The following CLPB variants were observed in gnomAD, a reference collection of about 807,000 sequenced individuals.
CLPB encodes the protein ClpB family mitochondrial disaggregase.
Under a neutral mutation model 78.4 loss-of-function variants are expected in CLPB, and 40 were observed. The observed-to-expected ratio is 0.51, with a 90% CI of 0.40 to 0.66. The LOEUF (loss-of-function observed/expected upper bound fraction) is 0.66, where lower values mean the gene tolerates loss of function less well. Among genes scored for constraint, CLPB ranks in the 30% least tolerant of loss-of-function variants. The pLI is 0.00. For synonymous variants in CLPB, 333 were observed against 348.0 expected, an observed-to-expected ratio of 0.96 and a Z score of 0.48; for missense variants, 780 against 886.9, an observed-to-expected ratio of 0.88 and a Z score of 1.53.
At chr11:72,422,325 A>G (rs1056177147) in intron 2 of CLPB, among the ~76,000 whole-genome samples, 1 of 150,314 alleles carries the variant, frequency 6.7e-6, no homozygotes, top group Non-Finnish European at 1.5e-5. Context: ...CTCAGTGGGG[A>G]CCCCATGAAC....
chr11:72,406,452 G>C (rs567861600), intron 2 of CLPB, among the ~76,000 whole-genome samples: 1 of 152,328 alleles, frequency 6.6e-6, no homozygotes, highest in East Asian at 1.9e-4. Flanking sequence ...TTTGAATTCT[G>C]ATCTAGCTAG....
At chr11:72,395,185 C>A (rs58515298) in intron 3 of CLPB, among the ~76,000 whole-genome samples, 11,307 of 152,206 alleles carry the variant, frequency 0.074, 609 homozygotes, top group African/African-American at 0.15. Flanking sequence ...TTCTCCAAAG[C>A]GGGACTTTTA....
intron 4 of CLPB, among the ~76,000 whole-genome samples, chr11:72,374,256 A>G (rs1951099066): frequency 6.6e-6 from 1 of 152,212 alleles, no homozygotes; most frequent in African/African-American, 2.4e-5. Context: ...ATATATGATT[A>G]TCTCTAATCA....
chr11:72,422,548 A>G (rs1856241497), intron 2 of CLPB, among the ~76,000 whole-genome samples: 1 of 152,224 alleles, frequency 6.6e-6, no homozygotes, highest in South Asian at 2.1e-4. Flanking sequence ...TGATCTTCAG[A>G]AGCTCTCACT....
intron 5 of CLPB, among the ~76,000 whole-genome samples, chr11:72,341,868 C>T (rs1424708348): frequency 6.6e-6 from 1 of 152,174 alleles, no homozygotes; most frequent in Non-Finnish European, 1.5e-5. Flanking sequence ...GGTTTTAAAG[C>T]AGGAAAGTGA....
chr11:72,410,234 A>C (rs1194746092), intron 2 of CLPB, among the ~76,000 whole-genome samples: 1 of 152,124 alleles, frequency 6.6e-6, no homozygotes, highest in Non-Finnish European at 1.5e-5. Flanking sequence ...CCATCTCAAA[A>C]AAAACAAAAC....
At position 72,338,399 on chromosome 11, in the gene CLPB, G is replaced by A. The variant is rs114486042; in HGVS notation, c.776-8595C>T. 2.4e-3 allele frequency among the ~76,000 whole-genome samples: 373 copies of A among 152,288 alleles called. 3 individuals carry two copies. Among genetic ancestry groups the A allele is most frequent in the African/African-American group, 8.5e-3 (354 of 41,560 alleles). On this transcript the variant is annotated intron_variant, in intron 5 of 15. Coordinates refer to ENST00000538039, the MANE Select transcript of CLPB (RefSeq NM_001258392.3). ...TAGAGCTCAAGGTCACAGAGACTATGAGTAGGAGAGTGGGAGCTAGAACCC... is the reference window on the plus strand; with the variant it reads ...TAGAGCTCAAGGTCACAGAGACTATAAGTAGGAGAGTGGGAGCTAGAACCC...
Position 72,389,508 on chromosome 11 carries a change from T to C in CLPB, c.543-9124A>G, listed in dbSNP as rs530527782. On this transcript the variant is annotated intron_variant, in intron 3 of 15. Coordinates refer to ENST00000538039, the MANE Select transcript of CLPB (RefSeq NM_001258392.3). ...GGTATAAGGCTAGGTCTTCACGGTC[T>C]TAACAGTTGGATTAAAGGAGGCAGA... 6.6e-5 allele frequency among the ~76,000 whole-genome samples: 10 copies of C among 152,342 alleles called. No homozygotes were observed. In the East Asian group the frequency reaches 1.9e-3, roughly 29 times the overall value.
In CLPB at chr11:72,426,443, C is replaced by T. The variant is rs139737375; in HGVS notation, c.455+3869G>A. 8.7e-3 allele frequency among the ~76,000 whole-genome samples: 1,318 copies of T among 151,956 alleles called. 11 individuals carry two copies. Among genetic ancestry groups the T allele is most frequent in the Non-Finnish European group, 0.014 (926 of 67,936 alleles). The stretch of plus-strand genomic sequence containing the variant: ...CCAGGAGCAGGACCACCTGCTCACA[C>T]TGCTGACAGGTAGGAGGCCAGGCTT... On this transcript the variant is annotated intron_variant, in intron 2 of 15. Coordinates refer to ENST00000538039, the MANE Select transcript of CLPB (RefSeq NM_001258392.3).
At position 72,327,807 on chromosome 11, in the gene CLPB, T is replaced by C. The variant is rs140577550; in HGVS notation, c.873+1900A>G. ...TTGACCTGACCTCCTGACCTGCTCC[T>C]AGGACAGAAAAATCTGAACAAAAGG... On this transcript the variant is annotated intron_variant, in intron 6 of 15. Coordinates refer to ENST00000538039, the MANE Select transcript of CLPB (RefSeq NM_001258392.3). 2.4e-3 allele frequency among the ~76,000 whole-genome samples: 369 copies of C among 152,316 alleles called. 1 individual carries two copies. Among genetic ancestry groups the C allele is most frequent in the African/African-American group, 8.5e-3 (352 of 41,564 alleles).
intron 2 of CLPB, among the ~76,000 whole-genome samples, chr11:72,404,508 C>T (rs1410226871): frequency 8.5e-5 from 13 of 152,204 alleles, no homozygotes; most frequent in South Asian, 2.1e-4. Flanking sequence ...CAAATACTTT[C>T]GAAGGCACTG....
chr11:72,338,491 C>T (rs1950361443), intron 5 of CLPB, among the ~76,000 whole-genome samples: 1 of 152,214 alleles, frequency 6.6e-6, no homozygotes. Context: ...ATAGCTTTCA[C>T]TTCCTTAGCA....
chr11:72,368,048 C>T (rs935408344), intron 4 of CLPB, among the ~76,000 whole-genome samples: 2 of 152,090 alleles, frequency 1.3e-5, no homozygotes, highest in African/African-American at 4.8e-5. Flanking sequence ...GTAATAAATT[C>T]ATTATTGTAC....
chr11:72,308,595 C>T lies in CLPB; in HGVS notation c.998G>A (p.Arg333Lys). 6.2e-7 allele frequency: 1 copy of T among 1,614,112 alleles called. No individual in the cohort carries two copies. Among genetic ancestry groups the T allele is most frequent in the Non-Finnish European group, 8.5e-7 (1 of 1,179,956 alleles). ...AIATVGAAIRRKENGWYDEEH... is the reference protein window; with the variant it reads ...AIATVGAAIRKKENGWYDEEH... ...TTCATCGTACCAGCCATTCTCCTTCCTCCGGATCGCTACGGCCAAACACAC... is the reference window on the plus strand; with the variant it reads ...TTCATCGTACCAGCCATTCTCCTTCTTCCGGATCGCTACGGCCAAACACAC... Residue 333 changes from arginine to lysine, a missense_variant, in exon 8 of 16, where the codon AGG (arginine) becomes AAG (lysine). By Grantham distance (26) the Arg-to-Lys change is conservative (BLOSUM62 2). This residue lies in a region of CLPB where 91 missense variants were observed against 168.2 expected (regional missense o/e 0.54). Coordinates refer to ENST00000538039, the MANE Select transcript of CLPB (RefSeq NM_001258392.3).
At chr11:72,314,354 G>A (rs2135522883) in intron 7 of CLPB, among the ~76,000 whole-genome samples, 1 of 152,294 alleles carries the variant, frequency 6.6e-6, no homozygotes, top group South Asian at 2.1e-4. Context: ...CTTAGAGCAG[G>A]TCTGGGGAAT....
At chr11:72,431,400 G>A (rs1371669702) in intron 1 of CLPB, among the ~76,000 whole-genome samples, 1 of 152,210 alleles carries the variant, frequency 6.6e-6, no homozygotes, top group Non-Finnish European at 1.5e-5. Flanking sequence ...TGAAAGAGCA[G>A]GATCTGGAGA....
chr11:72,287,551 G>C lies in CLPB; in HGVS notation c.*5816C>G, dbSNP rs552401757. On this transcript the variant is annotated 3_prime_UTR_variant, in exon 16 of 16. Coordinates refer to ENST00000538039, the MANE Select transcript of CLPB (RefSeq NM_001258392.3). ...TGGTCTCAGACTCCGGGGCTCAAGT[G>C]ATCTGCCTGCCTTGGCCTTCCAAAG... is the stretch of plus-strand genomic sequence containing the variant. The C allele has an allele frequency of 1.3e-5, 2 of 152,298 alleles. No individual in the cohort carries two copies. The highest frequency in any genetic ancestry group is 4.8e-5 in the African/African-American group (2 of 41,434). The allele number at this position is 152,298 out of a possible 1,614,324, so 9.4% of individuals were successfully genotyped here.
chr11:72,391,125 T>C (rs1022396123), intron 3 of CLPB, among the ~76,000 whole-genome samples: 3 of 152,206 alleles, frequency 2.0e-5, no homozygotes, highest in Admixed American at 1.3e-4. Context: ...AGTCTCTCAA[T>C]TATAAAACTT....
intron 7 of CLPB, among the ~76,000 whole-genome samples, chr11:72,310,739 G>C (rs980129555): frequency 1.7e-4 from 26 of 152,224 alleles, no homozygotes; most frequent in African/African-American, 6.3e-4. Context: ...ATTTGGGGAG[G>C]GAGATGTACC....
Sources: allele counts gnomAD v4.1 joint callset (sites outside exome capture counted in the v4.1 genomes callset), GRCh38; gene constraint gnomAD v4.1.1; regional missense constraint gnomAD v4.1.1; transcripts MANE v1.5; gene names NCBI Gene and HGNC (gene_info 2026-07-23, HGNC 2026-07-21).